CADM2: variants seen among roughly 807,000 people sequenced by gnomAD.
The protein encoded by CADM2 is cell adhesion molecule 2.
Under a neutral mutation model 49.8 loss-of-function variants are expected in CADM2, and 12 were observed. That is an observed-to-expected ratio of 0.24 (90% CI 0.15 to 0.39). CADM2 has a LOEUF of 0.39. Ranked by LOEUF, CADM2 falls within the 10% of genes least tolerant of loss-of-function variation. The pLI is 1.00. For missense variants in CADM2, 378 were observed against 492.3 expected (o/e 0.77, Z 2.20); for synonymous variants, 214 against 175.4 (o/e 1.22, Z -1.74).
intron 2 of CADM2, among the ~76,000 whole-genome samples, chr3:85,751,276 C>T (rs2068848113): frequency 6.6e-6 from 1 of 152,102 alleles, no homozygotes; most frequent in African/African-American, 2.4e-5. Context: ...GAACATGAAG[C>T]AAACCAGTTG....
rs1323109636 is a variant in CADM2 at position 85,001,485 on chromosome 3, TA to T, written c.61+41818del. Among the ~76,000 whole-genome samples, 5 of 152,256 alleles carry T rather than the reference TA, an allele frequency of 3.3e-5. No homozygotes were observed. The South Asian group carries it at 1.0e-3, about 32-fold the overall frequency. On this transcript the variant is annotated intron_variant, in intron 1 of 9. Transcript: ENST00000383699. Reference sequence around the variant, plus strand: ...TTGCAATAACTTAAATACATGAAATTATTTTTTCAACAAAATCTTTTTTAAA... The same window carrying T: ...TTGCAATAACTTAAATACATGAAATTTTTTTTCAACAAAATCTTTTTTAAA...
chr3:85,378,783 C>A (rs2033734689), intron 1 of CADM2, among the ~76,000 whole-genome samples: 1 of 151,850 alleles, frequency 6.6e-6, no homozygotes, highest in Non-Finnish European at 1.5e-5. Flanking sequence ...GTGTACACTG[C>A]TTGGCTGACA....
intron 1 of CADM2, among the ~76,000 whole-genome samples, chr3:85,607,413 C>G (rs1021045629): frequency 6.6e-6 from 1 of 151,958 alleles, no homozygotes. Flanking sequence ...GGAGTAGTAA[C>G]AGCTTAAAGA....
At chr3:85,204,071 A>G (rs2041572598) in intron 1 of CADM2, among the ~76,000 whole-genome samples, 1 of 152,198 alleles carries the variant, frequency 6.6e-6, no homozygotes, top group African/African-American at 2.4e-5. Flanking sequence ...GCTCAAATGA[A>G]CAAAAGCTTT....
intron 1 of CADM2, among the ~76,000 whole-genome samples, chr3:85,081,662 G>A: frequency 1.3e-5 from 2 of 152,120 alleles, no homozygotes; most frequent in East Asian, 3.9e-4. Context: ...ACAGGGTGAA[G>A]GACAGCCTGC....
At chr3:85,185,286 A>T (rs2041031378) in intron 1 of CADM2, among the ~76,000 whole-genome samples, 2 of 151,782 alleles carry the variant, frequency 1.3e-5, no homozygotes, top group Admixed American at 1.3e-4. Context: ...TTATTTCAAG[A>T]TTGGCATCTA....
intron 1 of CADM2, among the ~76,000 whole-genome samples, chr3:85,129,651 T>A (rs1328921765): frequency 6.6e-6 from 1 of 152,200 alleles, no homozygotes; most frequent in Non-Finnish European, 1.5e-5. Context: ...AAAAAATGAA[T>A]GCTGGTGCTA....
intron 2 of CADM2, among the ~76,000 whole-genome samples, chr3:85,736,736 G>A (rs2068155024): frequency 6.6e-6 from 1 of 152,134 alleles, no homozygotes; most frequent in Non-Finnish European, 1.5e-5. Context: ...GGTAGAGATA[G>A]GGGTGGTGGA....
intron 1 of CADM2, among the ~76,000 whole-genome samples, chr3:85,547,793 C>T (rs1156887304): frequency 1.3e-5 from 2 of 152,066 alleles, no homozygotes; most frequent in African/African-American, 4.8e-5. Flanking sequence ...TGAAGACAAT[C>T]AGCTTTTGGA....
chr3:85,094,656 A>G (rs757750836), intron 1 of CADM2, among the ~76,000 whole-genome samples: 1 of 152,196 alleles, frequency 6.6e-6, no homozygotes, highest in Non-Finnish European at 1.5e-5. Context: ...TTATGCAAAT[A>G]TTGGTCAACA....
chr3:86,045,891 AGCAGACTCTTTTT>A (rs1198689881), intron 8 of CADM2, among the ~76,000 whole-genome samples: 3 of 152,190 alleles, frequency 2.0e-5, no homozygotes, highest in African/African-American at 7.2e-5. Context: ...TCTCAGGGAC[AGCAGACTCTTTTT>A]TGTCCTCTTT....
intron 1 of CADM2, among the ~76,000 whole-genome samples, chr3:85,295,882 C>G (rs1010689149): frequency 1.1e-4 from 17 of 151,100 alleles, no homozygotes; most frequent in African/African-American, 3.9e-4. Context: ...ACATATGTAA[C>G]TAACCTGCAC....
intron 1 of CADM2, among the ~76,000 whole-genome samples, chr3:84,995,606 T>A (rs1158905497): frequency 6.6e-6 from 1 of 152,176 alleles, no homozygotes; most frequent in Non-Finnish European, 1.5e-5. Context: ...AATACATACT[T>A]CAGACAATTT....
chr3:85,153,210 G>A (rs1230047068), intron 1 of CADM2, among the ~76,000 whole-genome samples: 3 of 152,082 alleles, frequency 2.0e-5, no homozygotes, highest in Non-Finnish European at 4.4e-5. Context: ...GACAGTGGGC[G>A]CAGGTCAGTG....
At chr3:85,780,004 G>T (rs765188792) in intron 2 of CADM2, among the ~76,000 whole-genome samples, 1 of 151,992 alleles carries the variant, frequency 6.6e-6, no homozygotes, top group African/African-American at 2.4e-5. Flanking sequence ...TGATCAATAT[G>T]ATAAAGAAAA....
intron 1 of CADM2, among the ~76,000 whole-genome samples, chr3:85,237,104 C>G (rs2042424510): frequency 6.6e-6 from 1 of 151,950 alleles, no homozygotes; most frequent in Non-Finnish European, 1.5e-5. Context: ...GTAATTTGCT[C>G]AAGGCCACAC....
chr3:85,784,146 T>C (rs1231599440), intron 2 of CADM2, among the ~76,000 whole-genome samples: 2 of 152,206 alleles, frequency 1.3e-5, no homozygotes, highest in Non-Finnish European at 2.9e-5. Flanking sequence ...ATTCCCATCT[T>C]GCTCCCAATA....
chr3:85,210,716 C>CT (rs963580294), intron 1 of CADM2, among the ~76,000 whole-genome samples: 1 of 151,776 alleles, frequency 6.6e-6, no homozygotes, highest in African/African-American at 2.4e-5. Flanking sequence ...AATTATTGTA[C>CT]TTTTTTGTAG....
At position 85,952,452 on chromosome 3, in the gene CADM2, A is replaced by G. The variant is rs576617654; in HGVS notation, c.792-9017A>G. 3.3e-5 allele frequency among the ~76,000 whole-genome samples: 5 copies of G among 151,024 alleles called. No homozygotes were observed. The East Asian group carries it at 9.8e-4, about 30-fold the overall frequency. On this transcript the variant is annotated intron_variant, in intron 7 of 9. Transcript: ENST00000383699. ...CTGCCCTCTTCCCTGATTTCTAATT[A>G]TTTATTTAATTAATTGCTGGATCAA...
Sources: allele counts gnomAD v4.1 joint callset (sites outside exome capture counted in the v4.1 genomes callset), GRCh38; gene constraint gnomAD v4.1.1; transcripts MANE v1.5; gene names NCBI Gene and HGNC (gene_info 2026-07-23, HGNC 2026-07-21).